Variants in TLCD3B observed in about 807,000 individuals in gnomAD.
The protein encoded by TLCD3B is ceramide synthase.
In TLCD3B, 9 loss-of-function variants were observed where a neutral mutation model predicts 23.0. That is an observed-to-expected ratio of 0.39 (90% CI 0.24 to 0.68). The LOEUF is 0.68. TLCD3B is among the 30% of genes least tolerant of loss of function. The probability of loss-of-function intolerance (pLI) is 0.44; values close to 1 mark genes in which losing one functional copy is unlikely to be tolerated. For missense variants in TLCD3B, 307 were observed against 371.8 expected (o/e 0.83, Z 1.43); for synonymous variants, 161 against 161.0 (o/e 1.00, Z 0.00).
intron 2 of TLCD3B, chr16:30,027,751 C>G (rs1328517818): frequency 2.3e-6 from 1 of 440,444 alleles, no homozygotes; most frequent in African/African-American, 2.0e-5. Context: ...GGCAGTTTCT[C>G]TTAAATCCTG....
chr16:30,035,041 A>T (rs1226464218), upstream of TLCD3B: 1 of 210,164 alleles, frequency 4.8e-6, no homozygotes, highest in Non-Finnish European at 9.9e-6. Context: ...CCTCCAGAGT[A>T]GCTGGGATTA....
At chr16:30,031,429 T>A (rs1367716392), upstream of TLCD3B, among the ~76,000 whole-genome samples, 1 of 151,976 alleles carries the variant, frequency 6.6e-6, no homozygotes, top group African/African-American at 2.4e-5. Flanking sequence ...CAGGGCTCCT[T>A]GGCCAGCTGG....
chr16:30,034,232 G>A (rs539523505), upstream of TLCD3B, among the ~76,000 whole-genome samples: 131 of 151,476 alleles, frequency 8.6e-4, 1 homozygote, highest in African/African-American at 3.1e-3. Flanking sequence ...GAATCATGGT[G>A]GTGTCACTGC....
At chr16:30,037,332 G>C (rs1490404011) in intron 3 of TLCD3B, among the ~76,000 whole-genome samples, 1 of 151,686 alleles carries the variant, frequency 6.6e-6, no homozygotes, top group African/African-American at 2.4e-5. Flanking sequence ...CACGGGGTCA[G>C]GAGATCGAGA....
chr16:30,034,468 C>G (rs11642430), upstream of TLCD3B, among the ~76,000 whole-genome samples: 48,860 of 150,666 alleles, frequency 0.32, 8,656 homozygotes, highest in South Asian at 0.43. Context: ...GTAGTCCCAG[C>G]TATGGCAGGA....
rs2070997108 is a variant in TLCD3B, at chr16:30,024,454, A to C, written c.*729T>G. 3.2e-6 allele frequency: 2 copies of C among 634,394 alleles called. No individual in the cohort carries two copies. The highest frequency in any genetic ancestry group is 1.8e-5 in the African/African-American group (1 of 54,670). 39.3% of individuals were successfully genotyped at this position (634,394 alleles called of 1,614,324 possible). On this transcript the variant is annotated 3_prime_UTR_variant, in exon 5 of 5. Transcript: ENST00000380495. ...GCGTTCACGCAGATCGTCTTTTATTAGCGGTCTGTAAAGCACCTCCCAGGG... is the reference window on the plus strand; with the variant it reads ...GCGTTCACGCAGATCGTCTTTTATTCGCGGTCTGTAAAGCACCTCCCAGGG...
intron 2 of TLCD3B, among the ~76,000 whole-genome samples, chr16:30,041,383 C>T (rs943380400): frequency 4.6e-5 from 7 of 151,352 alleles, no homozygotes; most frequent in African/African-American, 1.7e-4. Flanking sequence ...AAATGATTCT[C>T]CTACCTCAGC....
At chr16:30,035,791 T>TG (rs2071460857), upstream of TLCD3B, among the ~76,000 whole-genome samples, 3 of 151,214 alleles carry the variant, frequency 2.0e-5, no homozygotes, top group South Asian at 6.3e-4. Flanking sequence ...AGATGCAGTC[T>TG]TACTCTTGTT....
chr16:30,025,613 C>T lies in TLCD3B; in HGVS notation c.540+113G>A, dbSNP rs544047026. On this transcript the variant is annotated intron_variant, in intron 4 of 4. Transcript: ENST00000380495. The surrounding 1 kb of genome is among the most constrained non-coding windows in gnomAD (Gnocchi z 4.1). ...ACAAGCACCAGGTGCTCAAAATGCA[C>T]GGGGTGAGGGGGGGATGACGAAGGG... The T allele has an allele frequency of 8.2e-6, 12 of 1,466,322 alleles. No individual in the cohort carries two copies. Among genetic ancestry groups the T allele is most frequent in the East Asian group, 2.3e-5 (1 of 44,218 alleles). The allele number at this position is 1,466,322 out of a possible 1,614,324, so 90.8% of individuals were successfully genotyped here.
In TLCD3B at chr16:30,025,195, C is replaced by T; in HGVS notation, c.813G>A (p.Gln271=). The T allele has an allele frequency of 2.0e-6, 3 of 1,475,244 alleles. No individual in the cohort carries two copies. The highest frequency in any genetic ancestry group is 2.5e-5 in the East Asian group (1 of 40,286). 91.4% of individuals were successfully genotyped at this position (1,475,244 alleles called of 1,614,324 possible). ...CCGGCCCCCGGCCTCAGTCCTGGGC[C>T]TGGCAGGCCGGGGGCGGCCGGGAGC... The part of the protein sequence containing the change: ...WPRSRPPPAC[Q]AQD Residue 271 remains glutamine, a synonymous_variant, in exon 5 of 5, where the codon CAG becomes CAA. Transcript: ENST00000380495. The surrounding 1 kb of genome is among the most constrained non-coding windows in gnomAD (Gnocchi z 4.1).
upstream of TLCD3B, among the ~76,000 whole-genome samples, chr16:30,034,856 G>A (rs922278075): frequency 4.0e-5 from 6 of 151,820 alleles, no homozygotes; most frequent in Non-Finnish European, 7.4e-5. Flanking sequence ...GGGATCTGAA[G>A]TTCAGAGAAG....
Position 30,025,098 on chromosome 16 carries a change from CT to C in TLCD3B, c.*84del. 1 of 957,462 alleles carries C rather than the reference CT, an allele frequency of 1.0e-6. No individual in the cohort carries two copies. Among genetic ancestry groups the C allele is most frequent in the Non-Finnish European group, 1.5e-6 (1 of 670,302 alleles). The allele number at this position is 957,462 out of a possible 1,614,324, so 59.3% of individuals were successfully genotyped here. On this transcript the variant is annotated 3_prime_UTR_variant, in exon 5 of 5. Transcript: ENST00000380495. The surrounding 1 kb of genome is among the most constrained non-coding windows in gnomAD (Gnocchi z 4.1). ...CTGGGGTTGTCCGGGCAAGAGGACC[CT>C]GGCTCCCAACCCCAGCCATCAGCCC...
upstream of TLCD3B, among the ~76,000 whole-genome samples, chr16:30,035,764 T>C (rs113579679): frequency 8.0e-6 from 1 of 125,498 alleles, no homozygotes; most frequent in South Asian, 2.6e-4. Flanking sequence ...CTTTTCTTTT[T>C]TCTTTTTTTT....
In TLCD3B at chr16:30,030,600, G is replaced by T; in HGVS notation, c.-73C>A. 6.8e-7 allele frequency: 1 copy of T among 1,465,046 alleles called. No homozygotes were observed. Among genetic ancestry groups the T allele is most frequent in the Non-Finnish European group, 9.0e-7 (1 of 1,111,766 alleles). The allele number at this position is 1,465,046 out of a possible 1,614,324, so 90.8% of individuals were successfully genotyped here. ...GGGAGGCCGAGTGGAAGGAGTTAGGGGTGGAGAAGGGACGCCAAGCCCGGG... is the reference window on the plus strand; with the variant it reads ...GGGAGGCCGAGTGGAAGGAGTTAGGTGTGGAGAAGGGACGCCAAGCCCGGG... On this transcript the variant is annotated 5_prime_UTR_variant, in exon 1 of 5. Coordinates refer to ENST00000380495, the MANE Select transcript of TLCD3B (RefSeq NM_031478.6).
Position 30,026,602 on chromosome 16 carries a change from G to T in TLCD3B, c.444+7C>A. On this transcript the variant is annotated splice_region_variant and intron_variant, in intron 3 of 4. Transcript: ENST00000380495. ...GCACCCCGCCCGCCCAGCTCCCCGG[G>T]ACTCACCACTGAGAGTGGGAAGCAC... 1 of 1,611,962 alleles carries T rather than the reference G, an allele frequency of 6.2e-7. No homozygotes were observed. Among genetic ancestry groups the T allele is most frequent in the Non-Finnish European group, 8.5e-7 (1 of 1,178,962 alleles).
rs574200095 is a variant in TLCD3B at position 30,050,472 on chromosome 16, G to A, written c.-294+2302C>T. 1.2e-4 allele frequency among the ~76,000 whole-genome samples: 18 copies of A among 152,272 alleles called. No homozygotes were observed. The South Asian group carries it at 1.7e-3, about 14-fold the overall frequency. On this transcript the variant is annotated intron_variant, in intron 1 of 6. Transcript: ENST00000561666. ...GAAGGATCCCTTGAGCCAGGAGGTCGAGGCTGTTGTGGTGAGCCATGATTG... is the reference window on the plus strand; with the variant it reads ...GAAGGATCCCTTGAGCCAGGAGGTCAAGGCTGTTGTGGTGAGCCATGATTG...
At chr16:30,049,190 G>T (rs2007975700) in intron 1 of TLCD3B, among the ~76,000 whole-genome samples, 1 of 152,188 alleles carries the variant, frequency 6.6e-6, no homozygotes, top group Non-Finnish European at 1.5e-5. Flanking sequence ...AGTCTGTGGA[G>T]AGGCCTCTGT....
chr16:30,041,721 C>CAAA (rs547074758), intron 2 of TLCD3B, among the ~76,000 whole-genome samples: 1 of 62,458 alleles, frequency 1.6e-5, no homozygotes, highest in African/African-American at 6.0e-5. Flanking sequence ...GACTCTGTCT[C>CAAA]AAAAAAAAAA....
Position 30,029,860 on chromosome 16 carries a change from G to A in TLCD3B, c.126-345C>T, listed in dbSNP as rs1224346067. ...TGGCCTGGACCTCTCCCCACGAGGGGAGCCTGGGCCGGTTCTTGCCCCGCT... is the reference window on the plus strand; with the variant it reads ...TGGCCTGGACCTCTCCCCACGAGGGAAGCCTGGGCCGGTTCTTGCCCCGCT... On this transcript the variant is annotated intron_variant, in intron 1 of 4. Transcript: ENST00000380495. This position sits in a 1 kb window ranked among gnomAD's most constrained non-coding sequence, Gnocchi z 4.6. Among the ~76,000 whole-genome samples the A allele has an allele frequency of 6.6e-6, 1 of 152,202 alleles. No individual in the cohort carries two copies. The highest frequency in any genetic ancestry group is 1.5e-5 in the Non-Finnish European group (1 of 68,026).
Sources: allele counts gnomAD v4.1 joint callset (sites outside exome capture counted in the v4.1 genomes callset), GRCh38; gene constraint gnomAD v4.1.1; non-coding constraint Gnocchi (gnomAD v3.1); transcripts MANE v1.5; gene names NCBI Gene and HGNC (gene_info 2026-07-23, HGNC 2026-07-21).